Variants in CCSER1 observed in about 807,000 individuals in gnomAD.
CCSER1 encodes coiled-coil serine rich protein 1, also known as serine-rich coiled-coil domain-containing protein 1.
Under a neutral mutation model 82.0 loss-of-function variants are expected in CCSER1, and 41 were observed. The observed-to-expected ratio is 0.50, with a 90% CI of 0.39 to 0.65. The LOEUF (loss-of-function observed/expected upper bound fraction) is 0.65. CCSER1 is among the 30% of genes least tolerant of loss of function. CCSER1 has a pLI of 0.00. For missense variants in CCSER1, 1,119 were observed against 1,064.2 expected, an observed-to-expected ratio of 1.05 and a Z score of -0.72; for synonymous variants, 414 against 383.9, an observed-to-expected ratio of 1.08 and a Z score of -0.92.
intron 4 of CCSER1, among the ~76,000 whole-genome samples, chr4:90,405,626 C>T (rs567828130): frequency 6.6e-6 from 1 of 152,222 alleles, no homozygotes; most frequent in South Asian, 2.1e-4. Context: ...CATCAGGGAA[C>T]TTATAAATGA....
At chr4:91,311,958 T>C (rs2149254100) in intron 10 of CCSER1, among the ~76,000 whole-genome samples, 1 of 152,030 alleles carries the variant, frequency 6.6e-6, no homozygotes, top group East Asian at 1.9e-4. Context: ...AACTCCTGTC[T>C]AACAGGACTA....
At chr4:91,177,784 T>A (rs184522350) in intron 10 of CCSER1, among the ~76,000 whole-genome samples, 1 of 152,310 alleles carries the variant, frequency 6.6e-6, no homozygotes, top group Admixed American at 6.5e-5. Context: ...ATTCATTGAT[T>A]TTTTGAAGTG....
At chr4:90,285,491 G>A (rs1195751265) in intron 1 of CCSER1, among the ~76,000 whole-genome samples, 3 of 151,880 alleles carry the variant, frequency 2.0e-5, no homozygotes, top group Non-Finnish European at 4.4e-5. Context: ...TGTTGTTTTT[G>A]TATCCTGTAA....
intron 10 of CCSER1, among the ~76,000 whole-genome samples, chr4:91,336,679 A>G (rs1747349076): frequency 6.6e-6 from 1 of 152,118 alleles, no homozygotes; most frequent in South Asian, 2.1e-4. Flanking sequence ...GATAATAAAT[A>G]TGTATTGATA....
intron 9 of CCSER1, among the ~76,000 whole-genome samples, chr4:90,979,235 C>G (rs1735887160): frequency 6.6e-6 from 1 of 151,302 alleles, no homozygotes. Context: ...CAATTAGATA[C>G]TAATACAGTC....
intron 4 of CCSER1, among the ~76,000 whole-genome samples, chr4:90,437,550 A>C (rs1759204895): frequency 6.6e-6 from 1 of 152,110 alleles, no homozygotes; most frequent in South Asian, 2.1e-4. Flanking sequence ...TTTTCTGTAT[A>C]ATGAGGATAA....
chr4:90,941,204 AG>A (rs1448930716), intron 9 of CCSER1, among the ~76,000 whole-genome samples: 6 of 152,148 alleles, frequency 3.9e-5, no homozygotes, highest in Admixed American at 6.5e-5. Flanking sequence ...CCCTTTTGCT[AG>A]GTACTTCAAT....
chr4:91,053,834 C>T (rs904457115), intron 9 of CCSER1, among the ~76,000 whole-genome samples: 2 of 152,122 alleles, frequency 1.3e-5, no homozygotes, highest in African/African-American at 4.8e-5. Context: ...ACATCTTGTA[C>T]TGTCTTGTTC....
chr4:91,534,734 TA>T (rs1295285076), intron 10 of CCSER1, among the ~76,000 whole-genome samples: 7 of 151,974 alleles, frequency 4.6e-5, no homozygotes, highest in Non-Finnish European at 5.9e-5. Context: ...CTTTAAATTT[TA>T]AGCTCTTTAA....
At chr4:91,302,696 A>G (rs1744760522) in intron 10 of CCSER1, among the ~76,000 whole-genome samples, 1 of 151,836 alleles carries the variant, frequency 6.6e-6, no homozygotes, top group African/African-American at 2.4e-5. Context: ...ACTTCCAGCC[A>G]CTTTCCCTTT....
intron 1 of CCSER1, among the ~76,000 whole-genome samples, chr4:90,255,525 A>G (rs1366106312): frequency 6.6e-6 from 1 of 152,196 alleles, no homozygotes; most frequent in Non-Finnish European, 1.5e-5. Flanking sequence ...CTCAAAGCTT[A>G]GTTTACAGTT....
At position 91,588,123 on chromosome 4, in the gene CCSER1, A is replaced by G. The variant is rs756616966; in HGVS notation, c.2218-10449A>G. The stretch of plus-strand genomic sequence containing the variant: ...TTTTTTCTATTTAAAAATCAATTTT[A>G]GATCTTTTTAAGGATGACTAACTTT... On this transcript the variant is annotated intron_variant, in intron 10 of 10. Coordinates refer to ENST00000509176, the MANE Select transcript of CCSER1 (RefSeq NM_001145065.2). Among the ~76,000 whole-genome samples, 17 of 151,572 alleles carry G rather than the reference A, an allele frequency of 1.1e-4. No individual in the cohort carries two copies. The East Asian group carries it at 1.7e-3, about 16-fold the overall frequency.
At chr4:90,968,990 A>G (rs1417646645) in intron 9 of CCSER1, among the ~76,000 whole-genome samples, 7 of 151,954 alleles carry the variant, frequency 4.6e-5, no homozygotes, top group Non-Finnish European at 7.4e-5. Context: ...ATTTAAAAAA[A>G]CAAATACAGG....
chr4:91,559,884 C>T (rs1762575856), intron 10 of CCSER1, among the ~76,000 whole-genome samples: 1 of 150,742 alleles, frequency 6.6e-6, no homozygotes, highest in Admixed American at 6.7e-5. Context: ...TATGTTTTGG[C>T]CAGTGGGTGT....
At chr4:91,073,812 A>G (rs1721679938) in intron 9 of CCSER1, among the ~76,000 whole-genome samples, 1 of 152,108 alleles carries the variant, frequency 6.6e-6, no homozygotes, top group Non-Finnish European at 1.5e-5. Flanking sequence ...AAAAGGACCA[A>G]TATACCTGTC....
At chr4:90,329,956 T>C (rs1413572499) in intron 3 of CCSER1, among the ~76,000 whole-genome samples, 2 of 152,162 alleles carry the variant, frequency 1.3e-5, no homozygotes, top group Non-Finnish European at 2.9e-5. Context: ...TTAAAGTATC[T>C]TTTGTCAAAT....
chr4:91,544,744 G>T (rs1761794282), intron 10 of CCSER1, among the ~76,000 whole-genome samples: 1 of 151,798 alleles, frequency 6.6e-6, no homozygotes, highest in South Asian at 2.1e-4. Context: ...TCCCAGTTAG[G>T]CTACTCGGGG....
intron 9 of CCSER1, among the ~76,000 whole-genome samples, chr4:90,960,610 T>A (rs1445261115): frequency 2.6e-5 from 4 of 152,156 alleles, no homozygotes; most frequent in Non-Finnish European, 1.5e-5. Flanking sequence ...CCAGTGTCAC[T>A]TCTCTGTGAA....
intron 10 of CCSER1, among the ~76,000 whole-genome samples, chr4:91,182,447 A>T (rs1412298272): frequency 6.6e-6 from 1 of 152,188 alleles, no homozygotes; most frequent in African/African-American, 2.4e-5. Flanking sequence ...GGCTCAAAAA[A>T]TTTAAAGTTA....
Sources: gnomAD v4.1 joint callset for allele counts (sites outside exome capture counted in the v4.1 genomes callset) on GRCh38, gnomAD v4.1.1 for gene constraint, MANE v1.5 for transcripts, NCBI Gene and HGNC (gene_info 2026-07-23, HGNC 2026-07-21) for gene names.